Variants in GPR158 observed in about 807,000 individuals in gnomAD.
GPR158 encodes metabotropic glycine receptor.
In GPR158, 30 loss-of-function variants were observed where a neutral mutation model predicts 78.2. That is an observed-to-expected ratio of 0.38 (90% confidence interval 0.29 to 0.52). GPR158 has a LOEUF of 0.52. Ranked by LOEUF, GPR158 falls within the 20% of genes least tolerant of loss-of-function variation. The pLI is 0.83. For missense variants in GPR158, 1,463 were observed against 1,523.5 expected (o/e 0.96, Z 0.66); for synonymous variants, 581 against 591.1 (o/e 0.98, Z 0.25).
At chr10:25,506,024 G>A (rs1008091207) in intron 5 of GPR158, among the ~76,000 whole-genome samples, 2 of 152,178 alleles carry the variant, frequency 1.3e-5, no homozygotes, top group Middle Eastern at 3.4e-3. Flanking sequence ...GGTCCAACAC[G>A]GTATCTGACA....
chr10:25,425,889 C>T (rs888931222), intron 4 of GPR158, among the ~76,000 whole-genome samples: 1 of 152,010 alleles, frequency 6.6e-6, no homozygotes, highest in African/African-American at 2.4e-5. Flanking sequence ...CAAGATTGTG[C>T]TCTATTTCAC....
At chr10:25,469,799 A>G (rs1835472345) in intron 5 of GPR158, among the ~76,000 whole-genome samples, 1 of 150,816 alleles carries the variant, frequency 6.6e-6, no homozygotes, top group South Asian at 2.1e-4. Flanking sequence ...AAAAAAAAAA[A>G]AAAAAAAAAA....
intron 4 of GPR158, among the ~76,000 whole-genome samples, chr10:25,464,651 G>A (rs1489837591): frequency 6.6e-6 from 1 of 152,156 alleles, no homozygotes; most frequent in African/African-American, 2.4e-5. Flanking sequence ...TTCAAATTGA[G>A]ATGGAGTTAA....
intron 7 of GPR158, among the ~76,000 whole-genome samples, chr10:25,576,449 AACTT>A (rs1042556299): frequency 4.6e-5 from 7 of 152,206 alleles, no homozygotes; most frequent in Admixed American, 1.3e-4. Flanking sequence ...CCAGAGAGAA[AACTT>A]ACTTACCAGG....
chr10:25,401,240 C>T (rs1050597834), intron 3 of GPR158, among the ~76,000 whole-genome samples: 5 of 152,074 alleles, frequency 3.3e-5, no homozygotes, highest in Non-Finnish European at 5.9e-5. Flanking sequence ...TAAATAGCAT[C>T]GTCACTTTCA....
chr10:25,294,489 T>C (rs1026795027), intron 2 of GPR158, among the ~76,000 whole-genome samples: 1 of 152,230 alleles, frequency 6.6e-6, no homozygotes, highest in African/African-American at 2.4e-5. Flanking sequence ...CTCACTGAGC[T>C]GGCTTTGCTG....
chr10:25,311,851 C>T (rs966642426), intron 2 of GPR158, among the ~76,000 whole-genome samples: 5 of 151,782 alleles, frequency 3.3e-5, no homozygotes, highest in Non-Finnish European at 7.4e-5. Flanking sequence ...TATGTTTGCA[C>T]GGATCTGTAC....
At chr10:25,426,001 T>C (rs1268466301) in intron 4 of GPR158, among the ~76,000 whole-genome samples, 1 of 152,150 alleles carries the variant, frequency 6.6e-6, no homozygotes, top group East Asian at 1.9e-4. Context: ...TCTTTATGTT[T>C]TCTCTCTTTA....
At chr10:25,232,998 GA>G in intron 2 of GPR158, among the ~76,000 whole-genome samples, 1 of 152,250 alleles carries the variant, frequency 6.6e-6, no homozygotes, top group East Asian at 1.9e-4. Context: ...GGATTAAGGA[GA>G]AAAAACAAAC....
intron 2 of GPR158, among the ~76,000 whole-genome samples, chr10:25,360,257 A>G (rs913871494): frequency 1.3e-5 from 2 of 152,188 alleles, no homozygotes; most frequent in Non-Finnish European, 2.9e-5. Flanking sequence ...TAGTTTAATT[A>G]GATCCCATTT....
chr10:25,455,895 C>G (rs570375354), intron 4 of GPR158, among the ~76,000 whole-genome samples: 1 of 152,232 alleles, frequency 6.6e-6, no homozygotes, highest in East Asian at 1.9e-4. Context: ...TGGCAGACAA[C>G]TTTAAGAATG....
At chr10:25,195,735 C>T (rs1852835368) in intron 1 of GPR158, among the ~76,000 whole-genome samples, 1 of 152,034 alleles carries the variant, frequency 6.6e-6, no homozygotes, top group Non-Finnish European at 1.5e-5. Context: ...TTTTTTCACC[C>T]TATGGAACAC....
At chr10:25,495,072 G>A (rs534351354) in intron 5 of GPR158, among the ~76,000 whole-genome samples, 13 of 151,838 alleles carry the variant, frequency 8.6e-5, no homozygotes, top group South Asian at 8.3e-4. Flanking sequence ...TTGATTCACC[G>A]TAGAAAATTT....
At chr10:25,381,206 G>C (rs1253519218) in intron 2 of GPR158, among the ~76,000 whole-genome samples, 1 of 152,156 alleles carries the variant, frequency 6.6e-6, no homozygotes, top group East Asian at 1.9e-4. Flanking sequence ...TCATTCTGCA[G>C]AAAAGTTAAA....
At chr10:25,440,715 A>C (rs10741087) in intron 4 of GPR158, among the ~76,000 whole-genome samples, 29,902 of 152,150 alleles carry the variant, frequency 0.2, 3,704 homozygotes, top group African/African-American at 0.36. Context: ...ATTAAAATGT[A>C]TTTAAAGTTT....
chr10:25,294,696 A>G (rs1854487166), intron 2 of GPR158, among the ~76,000 whole-genome samples: 1 of 152,236 alleles, frequency 6.6e-6, no homozygotes, highest in Non-Finnish European at 1.5e-5. Flanking sequence ...TGATTTGTGC[A>G]GTTAAAGAGA....
chr10:25,570,486 T>C (rs981330025), intron 6 of GPR158, among the ~76,000 whole-genome samples: 2 of 152,230 alleles, frequency 1.3e-5, no homozygotes, highest in African/African-American at 4.8e-5. Flanking sequence ...TTTGAAGTAA[T>C]CTGAGTGTCG....
intron 5 of GPR158, among the ~76,000 whole-genome samples, chr10:25,547,224 C>T (rs1178704649): frequency 6.6e-6 from 1 of 152,102 alleles, no homozygotes; most frequent in Non-Finnish European, 1.5e-5. Context: ...AACCTATGCT[C>T]TTCCGTGCTG....
chr10:25,521,319 C>A (rs560089429), intron 5 of GPR158, among the ~76,000 whole-genome samples: 1 of 152,174 alleles, frequency 6.6e-6, no homozygotes, highest in East Asian at 1.9e-4. Context: ...AGAAATCACC[C>A]GTCTTCTGCG....
Sources: allele counts gnomAD v4.1 joint callset (sites outside exome capture counted in the v4.1 genomes callset), GRCh38; gene constraint gnomAD v4.1.1; transcripts MANE v1.5; gene names NCBI Gene and HGNC (gene_info 2026-07-23, HGNC 2026-07-21).